The following CNTN6 variants were observed in gnomAD, a reference collection of about 807,000 sequenced individuals.
CNTN6 encodes the protein contactin-6.
A neutral mutation model predicts 122.8 loss-of-function variants in CNTN6; 137 were observed. That is an observed-to-expected ratio of 1.12 (90% confidence interval 0.97 to 1.29). The LOEUF is 1.29. CNTN6 is among the 50% of genes most tolerant of loss of function. CNTN6 has a pLI of 0.00. For synonymous variants in CNTN6, 570 were observed against 426.0 expected, an observed-to-expected ratio of 1.34 and a Z score of -4.16; for missense variants, 1,634 against 1,223.4, an observed-to-expected ratio of 1.34 and a Z score of -5.01.
chr3:1,384,676 A>G lies in CNTN6; in HGVS notation c.2518-935A>G, dbSNP rs555406775. On this transcript the variant is annotated intron_variant, in intron 19 of 22. Coordinates refer to ENST00000446702, the MANE Select transcript of CNTN6 (RefSeq NM_001289080.2). The stretch of plus-strand genomic sequence containing the variant: ...CATTCTTAATTTTGCCTATATATAT[A>G]TATATATATATACACACACACACAC... Among the ~76,000 whole-genome samples, 236 of 116,190 alleles carry G rather than the reference A, an allele frequency of 2.0e-3. 1 individual carries two copies. The highest frequency in any genetic ancestry group is 7.6e-3 in the African/African-American group (224 of 29,520). 76.2% of individuals were successfully genotyped at this position (116,190 alleles called of 152,430 possible). A position where few individuals can be genotyped will look rare whatever the true frequency, so the allele number is the denominator to read the frequency against.
chr3:1,388,371 C>G (rs955056379), intron 20 of CNTN6, among the ~76,000 whole-genome samples: 5 of 149,126 alleles, frequency 3.4e-5, no homozygotes, highest in Admixed American at 2.7e-4. Flanking sequence ...AGAAGGAAAA[C>G]TAACAAACAG....
At chr3:1,377,737 C>G (rs1710082638) in intron 17 of CNTN6, among the ~76,000 whole-genome samples, 1 of 152,170 alleles carries the variant, frequency 6.6e-6, no homozygotes, top group South Asian at 2.1e-4. Context: ...TCTCTCCATT[C>G]TGCTCTTTAA....
chr3:1,258,846 C>T (rs954295547), intron 4 of CNTN6, among the ~76,000 whole-genome samples: 2 of 152,056 alleles, frequency 1.3e-5, no homozygotes, highest in Non-Finnish European at 2.9e-5. Context: ...ATTAGCCAAG[C>T]ATGCCTGATT....
chr3:1,139,558 G>A (rs2092561995), intron 1 of CNTN6, among the ~76,000 whole-genome samples: 1 of 151,782 alleles, frequency 6.6e-6, no homozygotes, highest in African/African-American at 2.4e-5. Flanking sequence ...CCTAACCCAG[G>A]TCACGAAGCC....
intron 3 of CNTN6, among the ~76,000 whole-genome samples, chr3:1,225,280 T>C (rs2094265852): frequency 1.3e-5 from 2 of 152,230 alleles, no homozygotes; most frequent in Admixed American, 6.5e-5. Flanking sequence ...AATTCATTAA[T>C]ACTGTTTCTC....
intron 7 of CNTN6, among the ~76,000 whole-genome samples, chr3:1,317,396 G>A (rs144000905): frequency 7.9e-5 from 12 of 151,754 alleles, no homozygotes; most frequent in African/African-American, 2.9e-4. Flanking sequence ...TGTTCTGGAT[G>A]AATACAGCAG....
At chr3:1,377,652 TTCTCATTTTCAGTA>T (rs1299335210) in intron 17 of CNTN6, among the ~76,000 whole-genome samples, 1 of 152,132 alleles carries the variant, frequency 6.6e-6, no homozygotes, top group Non-Finnish European at 1.5e-5. Context: ...AATTTAAAGT[TTCTCATTTTCAGTA>T]TCTCAGTGCC....
chr3:1,124,446 C>G (rs928832968), intron 1 of CNTN6, among the ~76,000 whole-genome samples: 1 of 151,876 alleles, frequency 6.6e-6, no homozygotes, highest in Non-Finnish European at 1.5e-5. Context: ...GTCAAGTTAC[C>G]TTTGGCCTAT....
intron 5 of CNTN6, among the ~76,000 whole-genome samples, chr3:1,280,517 T>C (rs892948331): frequency 7.5e-6 from 1 of 133,320 alleles, no homozygotes; most frequent in Non-Finnish European, 1.5e-5. Flanking sequence ...CAGGCTGGAG[T>C]GCAGTGGCTC....
intron 4 of CNTN6, among the ~76,000 whole-genome samples, chr3:1,243,026 G>A (rs958122955): frequency 2.6e-5 from 4 of 152,180 alleles, no homozygotes; most frequent in African/African-American, 4.8e-5. Flanking sequence ...CTCGGCGTCC[G>A]TGATGGTCTA....
intron 12 of CNTN6, among the ~76,000 whole-genome samples, chr3:1,356,504 G>C (rs1348150875): frequency 1.3e-5 from 2 of 151,832 alleles, no homozygotes; most frequent in East Asian, 3.9e-4. Flanking sequence ...AAGATATGTA[G>C]ATAATTGGAG....
At chr3:1,371,037 A>T (rs1018224676) in intron 12 of CNTN6, among the ~76,000 whole-genome samples, 1 of 152,028 alleles carries the variant, frequency 6.6e-6, no homozygotes, top group Non-Finnish European at 1.5e-5. Flanking sequence ...GTACCTTAAA[A>T]CCCCAAATTA....
In CNTN6 at chr3:1,404,170, G is replaced by A. The variant is rs1336385621; in HGVS notation, c.*752G>A. Reference sequence around the variant, plus strand: ...CTCAGGTAATTATGACAAGTTGATTGCAATGTATGTGGCCTTATTTTTATA... The same window carrying A: ...CTCAGGTAATTATGACAAGTTGATTACAATGTATGTGGCCTTATTTTTATA... On this transcript the variant is annotated 3_prime_UTR_variant, in exon 23 of 23. Coordinates refer to ENST00000446702, the MANE Select transcript of CNTN6 (RefSeq NM_001289080.2). 1 of 152,116 alleles carries A rather than the reference G, an allele frequency of 6.6e-6. No homozygotes were observed. The highest frequency in any genetic ancestry group is 2.4e-5 in the African/African-American group (1 of 41,426). 9.4% of individuals were successfully genotyped at this position (152,116 alleles called of 1,614,324 possible).
At chr3:1,101,671 G>C (rs1163918075) in intron 1 of CNTN6, among the ~76,000 whole-genome samples, 1 of 152,150 alleles carries the variant, frequency 6.6e-6, no homozygotes, top group Non-Finnish European at 1.5e-5. Context: ...AATAAGAAAT[G>C]GTTAATGTCA....
intron 12 of CNTN6, among the ~76,000 whole-genome samples, chr3:1,371,833 C>T (rs956443217): frequency 1.1e-4 from 17 of 152,076 alleles, no homozygotes; most frequent in Non-Finnish European, 2.1e-4. Flanking sequence ...GTTGCATTCA[C>T]CCTCTTAAAT....
At chr3:1,361,635 ACACTT>A (rs1163080941) in intron 12 of CNTN6, among the ~76,000 whole-genome samples, 1 of 152,150 alleles carries the variant, frequency 6.6e-6, no homozygotes, top group Non-Finnish European at 1.5e-5. Flanking sequence ...TTTTACCAAT[ACACTT>A]AATCTATTAT....
intron 4 of CNTN6, among the ~76,000 whole-genome samples, chr3:1,266,566 G>A (rs1194216835): frequency 1.3e-5 from 2 of 152,066 alleles, no homozygotes; most frequent in African/African-American, 2.4e-5. Context: ...TCCAAAACTC[G>A]GCCTTTTGTA....
At chr3:1,376,282 T>C (rs1455746720) in intron 16 of CNTN6, among the ~76,000 whole-genome samples, 3 of 152,098 alleles carry the variant, frequency 2.0e-5, no homozygotes, top group Non-Finnish European at 4.4e-5. Context: ...GATCTATTAT[T>C]CATTGTGTTA....
At chr3:1,242,080 G>A (rs1166969507) in intron 4 of CNTN6, among the ~76,000 whole-genome samples, 4 of 152,196 alleles carry the variant, frequency 2.6e-5, no homozygotes, top group Non-Finnish European at 2.9e-5. Flanking sequence ...GGCAGGGAAA[G>A]CACGTGTGTT....
Sources: gnomAD v4.1 joint callset for allele counts (sites outside exome capture counted in the v4.1 genomes callset) on GRCh38, gnomAD v4.1.1 for gene constraint, MANE v1.5 for transcripts, NCBI Gene and HGNC (gene_info 2026-07-23, HGNC 2026-07-21) for gene names.